MTERF4: variants seen among roughly 807,000 people sequenced by gnomAD.
MTERF4 encodes the protein mitochondrial transcription termination factor 4, also known as transcription termination factor 4, mitochondrial.
In MTERF4, 17 loss-of-function variants were observed where a neutral mutation model predicts 22.5. The ratio of observed to expected loss-of-function variants is 0.75; its 90% CI spans 0.52 to 1.13. The LOEUF (loss-of-function observed/expected upper bound fraction) is 1.13, where lower values mean the gene tolerates loss of function less well. Among genes scored for constraint, MTERF4 ranks in the 50% most tolerant of loss-of-function variants. The pLI, the probability that MTERF4 is intolerant of heterozygous loss-of-function variation, is 0.00. For missense variants in MTERF4, 420 were observed against 466.8 expected (o/e 0.90, Z 0.92); for synonymous variants, 165 against 175.3 (o/e 0.94, Z 0.47).
At chr2:241,048,629 C>G in the MTERF4 span, 4 of 1,571,360 alleles carry the variant, frequency 2.5e-6, no homozygotes, top group Non-Finnish European at 3.5e-6. Context: ...TCTGCGCCCC[C>G]ACATGGGAGG....
Position 241,096,093 on chromosome 2 carries a change from T to C in MTERF4, c.1051A>G (p.Asn351Asp), listed in dbSNP as rs1286634830. The part of the protein sequence containing the change: ...EDEDDDDEED[N>D]DEDDNDEDDD... ...TCCTCATCATTGTCATCCTCATCAT[T>C]GTCCTCCTCATCATCGTCATCCTCA... Residue 351 changes from asparagine to aspartate, a missense_variant, in exon 4 of 4, where the codon AAT (asparagine) becomes GAT (aspartate). Asn to Asp is a conservative substitution (Grantham distance 23). Transcript: ENST00000391980. This position sits in a 1 kb window ranked among gnomAD's most constrained non-coding sequence, Gnocchi z 5.1. 8 of 1,612,230 alleles carry C rather than the reference T, an allele frequency of 5.0e-6. No individual in the cohort carries two copies. In the Admixed American group the frequency reaches 6.7e-5, roughly 13 times the overall value.
chr2:241,070,919 C>T (rs372790986), downstream of MTERF4, among the ~76,000 whole-genome samples: 2 of 152,340 alleles, frequency 1.3e-5, no homozygotes, highest in South Asian at 2.1e-4. Context: ...ACCCCAGGCT[C>T]CTCCCCAACC....
the MTERF4 span, chr2:241,053,039 C>A: frequency 2.1e-6 from 2 of 971,398 alleles, no homozygotes; most frequent in Admixed American, 2.6e-5. Flanking sequence ...CGGTGAAGGG[C>A]AGTGTGGGAG....
downstream of MTERF4, among the ~76,000 whole-genome samples, chr2:241,084,585 T>C (rs1042424161): frequency 1.3e-5 from 2 of 152,334 alleles, no homozygotes; most frequent in South Asian, 4.1e-4. Flanking sequence ...TTTGAATTAT[T>C]ATCAGACTTT....
At chr2:241,051,877 C>T in the MTERF4 span, 1 of 1,524,358 alleles carries the variant, frequency 6.6e-7, no homozygotes, top group Non-Finnish European at 8.8e-7. The surrounding 1 kb of genome is among the most constrained non-coding windows in gnomAD (Gnocchi z 4.7). Context: ...CCCCCAGGGG[C>T]AGGGGGGAGG....
downstream of MTERF4, among the ~76,000 whole-genome samples, chr2:241,082,599 G>A (rs2063381726): frequency 6.6e-6 from 1 of 152,192 alleles, no homozygotes; most frequent in Non-Finnish European, 1.5e-5. Context: ...GAAGAACGCA[G>A]GCTCCTGGTC....
In MTERF4 at chr2:241,073,377, C is replaced by T. The variant is rs367550312; in HGVS notation, n.2785G>A. 3.1e-5 allele frequency: 48 copies of T among 1,554,176 alleles called. No homozygotes were observed. The highest frequency in any genetic ancestry group is 1.9e-4 in the East Asian group (8 of 41,352). ...AAGGACATCGGAAGTGAGTCAGCAG[C>T]GCTGGTGGGGACTTTGGGACTGACT... On this transcript the variant is annotated non_coding_transcript_exon_variant, in exon 5 of 5. Transcript: ENST00000464344. The surrounding 1 kb of genome is among the most constrained non-coding windows in gnomAD (Gnocchi z 6.6).
In MTERF4 at chr2:241,073,238, C is replaced by T. The variant is rs549998580; in HGVS notation, n.2924G>A. ...CATCCCGGGTGCAAAGCAGCTGCGCCGTGTGGTCACCGCCTGGCTTCTCCT... is the reference window on the plus strand; with the variant it reads ...CATCCCGGGTGCAAAGCAGCTGCGCTGTGTGGTCACCGCCTGGCTTCTCCT... On this transcript the variant is annotated non_coding_transcript_exon_variant, in exon 5 of 5. Transcript: ENST00000464344. This position sits in a 1 kb window ranked among gnomAD's most constrained non-coding sequence, Gnocchi z 6.6. The T allele has an allele frequency of 7.9e-6, 12 of 1,523,392 alleles. No individual in the cohort carries two copies. The highest frequency in any genetic ancestry group is 6.0e-5 in the South Asian group (5 of 83,530). 94.4% of individuals were successfully genotyped at this position (1,523,392 alleles called of 1,614,324 possible). A position where few individuals can be genotyped will look rare whatever the true frequency, so the allele number is the denominator to read the frequency against.
At chr2:241,062,280 C>T in the MTERF4 span, among the ~76,000 whole-genome samples, 1 of 152,156 alleles carries the variant, frequency 6.6e-6, no homozygotes, top group Non-Finnish European at 1.5e-5. Flanking sequence ...CTGCTAGTCC[C>T]AGATGTCACT....
At chr2:241,054,707 T>C in the MTERF4 span, among the ~76,000 whole-genome samples, 1 of 152,204 alleles carries the variant, frequency 6.6e-6, no homozygotes, top group Non-Finnish European at 1.5e-5. Flanking sequence ...ACTATAATAG[T>C]TGAAATAACA....
At chr2:241,052,695 G>GTACAT in the MTERF4 span, among the ~76,000 whole-genome samples, 4 of 66,176 alleles carry the variant, frequency 6.0e-5, 1 homozygote, top group African/African-American at 2.7e-4. Context: ...GTCGGCGGGG[G>GTACAT]GGGGGGGGGT....
chr2:241,086,582 GTTAC>G (rs1398643930), downstream of MTERF4, among the ~76,000 whole-genome samples: 1 of 152,224 alleles, frequency 6.6e-6, no homozygotes, highest in African/African-American at 2.4e-5. Flanking sequence ...CTGACATACA[GTTAC>G]TTACTATATT....
the MTERF4 span, chr2:241,051,885 A>G: frequency 6.6e-7 from 1 of 1,512,314 alleles, no homozygotes; most frequent in African/African-American, 1.4e-5. The surrounding 1 kb of genome is among the most constrained non-coding windows in gnomAD (Gnocchi z 4.7). Context: ...GGCAGGGGGG[A>G]GGGCAGGAAC....
At chr2:241,061,180 A>G in the MTERF4 span, among the ~76,000 whole-genome samples, 1 of 152,198 alleles carries the variant, frequency 6.6e-6, no homozygotes, top group African/African-American at 2.4e-5. Context: ...AATCAATGAG[A>G]AAACAACCTA....
the MTERF4 span, chr2:241,051,720 C>T: frequency 6.9e-7 from 1 of 1,453,680 alleles, no homozygotes. This position sits in a 1 kb window ranked among gnomAD's most constrained non-coding sequence, Gnocchi z 4.7. Context: ...CCCCGTTCAT[C>T]TGCCTCTCTG....
the MTERF4 span, chr2:241,063,042 C>G: frequency 3.3e-6 from 2 of 608,462 alleles, no homozygotes; most frequent in East Asian, 5.5e-5. Flanking sequence ...CCTGCCAGCT[C>G]TGACATCCAA....
chr2:241,065,255 C>A, the MTERF4 span: 2 of 1,603,314 alleles, frequency 1.2e-6, no homozygotes, highest in African/African-American at 1.3e-5. Context: ...GCATAGCTAA[C>A]GGCTGACCAG....
chr2:241,082,772 C>T (rs984607446), downstream of MTERF4, among the ~76,000 whole-genome samples: 2 of 152,234 alleles, frequency 1.3e-5, no homozygotes, highest in Non-Finnish European at 2.9e-5. Context: ...CATGATGTGG[C>T]CTTAGGCCCC....
downstream of MTERF4, among the ~76,000 whole-genome samples, chr2:241,069,759 C>T (rs1437769024): frequency 1.3e-5 from 2 of 152,034 alleles, no homozygotes; most frequent in South Asian, 2.1e-4. The surrounding 1 kb of genome is among the most constrained non-coding windows in gnomAD (Gnocchi z 4.9). Context: ...TTGTGCTGTA[C>T]GTGCCAGCCC....
Sources: gnomAD v4.1 joint callset for allele counts (sites outside exome capture counted in the v4.1 genomes callset) on GRCh38, gnomAD v4.1.1 for gene constraint, Gnocchi (gnomAD v3.1) non-coding constraint, MANE v1.5 for transcripts, NCBI Gene and HGNC (gene_info 2026-07-23, HGNC 2026-07-21) for gene names.